The following HPS1 variants were observed in gnomAD, a reference collection of about 807,000 sequenced individuals.
The protein encoded by HPS1 is BLOC-3 complex member HPS1.
HPS1 carries 59 observed loss-of-function variants against 90.6 expected under a neutral mutation model. The ratio of observed to expected loss-of-function variants is 0.65; its 90% confidence interval spans 0.53 to 0.81. The LOEUF is 0.81. HPS1 is among the 30% of genes least tolerant of loss of function. The pLI is 0.00. For missense variants in HPS1, 849 were observed against 896.7 expected (o/e 0.95, Z 0.68); for synonymous variants, 388 against 384.4 (o/e 1.01, Z -0.11).
Position 98,446,933 on chromosome 10 carries a change from C to T in HPS1, c.-232G>A, listed in dbSNP as rs1334529225. The T allele has an allele frequency of 6.6e-6, 1 of 152,196 alleles. No homozygotes were observed. Among genetic ancestry groups the T allele is most frequent in the African/African-American group, 2.4e-5 (1 of 41,466 alleles). 9.4% of individuals were successfully genotyped at this position (152,196 alleles called of 1,614,324 possible). ...CCCCGCCTGCAGGAGCCCGGGCGCGCTTCCGGGTAGGACCGCGTGATCGCG... is the reference window on the plus strand; with the variant it reads ...CCCCGCCTGCAGGAGCCCGGGCGCGTTTCCGGGTAGGACCGCGTGATCGCG... On this transcript the variant is annotated 5_prime_UTR_variant, in exon 1 of 20. Transcript: ENST00000361490.
intron 10 of HPS1, among the ~76,000 whole-genome samples, chr10:98,427,976 A>AT (rs1292829488): frequency 6.6e-6 from 1 of 152,132 alleles, no homozygotes; most frequent in Non-Finnish European, 1.5e-5. Flanking sequence ...GAACAGCATT[A>AT]TTTTTTACAG....
rs371181203 is a variant in HPS1, at chr10:98,430,667, G to C, written c.672C>G (p.His224Gln). The C allele has an allele frequency of 1.1e-4, 174 of 1,551,910 alleles. 1 individual carries two copies. The highest frequency in any genetic ancestry group is 9.0e-5 in the Non-Finnish European group (103 of 1,147,500). The change falls in exon 8 of 20, where the codon CAC (histidine) becomes CAG (glutamine). Residue 224 changes from histidine to glutamine, a missense_variant. His to Gln is a conservative substitution (Grantham distance 24). Transcript: ENST00000361490. ...HSKLLAFYSS[H>Q]SASSLRPADL... ...CGGCCGGGCGCAGGGAGCTGGCACT[G>C]TGGCTGCAGACACAGGAGCATGGCC...
At position 98,429,881 on chromosome 10, in the gene HPS1, C is replaced by G; in HGVS notation, c.777G>C (p.Pro259=). The change falls in exon 9 of 20, where the codon CCG becomes CCC. Residue 259 remains proline (P), a synonymous_variant. Transcript: ENST00000361490. Reference sequence around the variant, plus strand: ...TGTTCTGGCTGCTCCGGGCCCTCCGCGGGGAAGGCTGTGCAGGGCAGGGGA... The same window carrying G: ...TGTTCTGGCTGCTCCGGGCCCTCCGGGGGGAAGGCTGTGCAGGGCAGGGGA... The part of the protein sequence containing the change: ...STAEDDIQPS[P]RRARSSQNIP... 6.2e-7 allele frequency: 1 copy of G among 1,611,278 alleles called. No homozygotes were observed. The highest frequency in any genetic ancestry group is 2.2e-5 in the East Asian group (1 of 44,876).
intron 1 of HPS1, among the ~76,000 whole-genome samples, chr10:98,446,385 GGA>G (rs1939555238): frequency 6.6e-6 from 1 of 152,200 alleles, no homozygotes; most frequent in African/African-American, 2.4e-5. Context: ...ACTGACGAAA[GGA>G]GCTCCAGATG....
At position 98,425,637 on chromosome 10, in the gene HPS1, C is replaced by T. The variant is rs777125097; in HGVS notation, c.1239G>A (p.Pro413=). 23 of 1,613,624 alleles carry T rather than the reference C, an allele frequency of 1.4e-5. No individual in the cohort carries two copies. The highest frequency in any genetic ancestry group is 5.0e-5 in the Admixed American group (3 of 59,988). ...GGGAGCGCAGGGAGGCCCCGGGCTC[C>T]GGCCCTTCCTTCAGCTTCTTCTCCA... ...SMLEKKLKEG[P]EPGASLRSQP... Residue 413 remains proline, a synonymous_variant, in exon 13 of 20, where the codon CCG becomes CCA. Coordinates refer to ENST00000361490, the MANE Select transcript of HPS1 (RefSeq NM_000195.5).
In HPS1 at chr10:98,423,800, G is replaced by A; in HGVS notation, c.1485C>T (p.Gly495=). 6.2e-7 allele frequency: 1 copy of A among 1,613,988 alleles called. No individual in the cohort carries two copies. The highest frequency in any genetic ancestry group is 8.5e-7 in the Non-Finnish European group (1 of 1,180,006). Residue 495 remains glycine (G), a synonymous_variant, in exon 15 of 20, where the codon GGC becomes GGT. Coordinates refer to ENST00000361490, the MANE Select transcript of HPS1 (RefSeq NM_000195.5). ...CCTGCAGGTGCTGGGGCAGGTGTGG[G>A]CCTCCCCTGCTGGGGGCTGTGGTCA... ...NFLTTAPSRG[G]PHLPQHLQDQ...
chr10:98,422,361 A>G lies in HPS1; in HGVS notation c.1743+8T>C. ...CCACCCATCCCCGCCCTGGGTCCAA[A>G]TGGTTACCTTAGTTTTGACAAAGGC... On this transcript the variant is annotated splice_region_variant and intron_variant, in intron 17 of 19. Transcript: ENST00000361490. 6.2e-7 allele frequency: 1 copy of G among 1,612,894 alleles called. No individual in the cohort carries two copies. The highest frequency in any genetic ancestry group is 8.5e-7 in the Non-Finnish European group (1 of 1,179,552).
In HPS1 at chr10:98,430,553, A is replaced by G; in HGVS notation, c.768+18T>C. 2.6e-6 allele frequency: 4 copies of G among 1,548,484 alleles called. No individual in the cohort carries two copies. The highest frequency in any genetic ancestry group is 2.6e-6 in the Non-Finnish European group (3 of 1,143,912). On this transcript the variant is annotated intron_variant, in intron 8 of 19. Coordinates refer to ENST00000361490, the MANE Select transcript of HPS1 (RefSeq NM_000195.5). Reference sequence around the variant, plus strand: ...CCTCCCTAATGGCCTCCCTCTGCCCAGAAAGCTGCCCTGAGACCTGAATGT... The same window carrying G: ...CCTCCCTAATGGCCTCCCTCTGCCCGGAAAGCTGCCCTGAGACCTGAATGT...
At chr10:98,421,965 A>AACAC (rs1270311453) in intron 17 of HPS1, among the ~76,000 whole-genome samples, 118 of 118,774 alleles carry the variant, frequency 9.9e-4, no homozygotes, top group Middle Eastern at 4.2e-3. Flanking sequence ...GAAAGAAAAG[A>AACAC]ACACACACAC....
chr10:98,440,621 G>A (rs1938253353), intron 3 of HPS1, among the ~76,000 whole-genome samples: 1 of 151,928 alleles, frequency 6.6e-6, no homozygotes, highest in Admixed American at 6.6e-5. Context: ...TAATAGCTCT[G>A]GGTCATGGAA....
chr10:98,443,075 A>G, intron 3 of HPS1, 49 bp downstream of exon 3: 2 of 1,301,450 alleles, frequency 1.5e-6, no homozygotes, highest in Non-Finnish European at 2.2e-6. Context: ...GGAGTTTTGT[A>G]TGGTTCCTTC....
intron 1 of HPS1, among the ~76,000 whole-genome samples, chr10:98,446,453 G>C (rs1270027950): frequency 6.6e-6 from 1 of 152,252 alleles, no homozygotes; most frequent in Admixed American, 6.5e-5. Context: ...CTGGACCCCA[G>C]CAAACCTCCC....
chr10:98,445,908 A>G lies in HPS1; in HGVS notation c.-105-504T>C, dbSNP rs1004070914. Among the ~76,000 whole-genome samples the G allele has an allele frequency of 6.6e-5, 10 of 152,212 alleles. No individual in the cohort carries two copies. Among genetic ancestry groups the G allele is most frequent in the Non-Finnish European group, 1.2e-4 (8 of 68,040 alleles). On this transcript the variant is annotated intron_variant, in intron 1 of 19. Transcript: ENST00000361490. This position sits in a 1 kb window ranked among gnomAD's most constrained non-coding sequence, Gnocchi z 4.5. ...GAGCCTCAAACTCCTGCGGAGAAACAGAGCAACATCCCCTACTCTACCTCC... is the reference window on the plus strand; with the variant it reads ...GAGCCTCAAACTCCTGCGGAGAAACGGAGCAACATCCCCTACTCTACCTCC...
At position 98,442,336 on chromosome 10, in the gene HPS1, G is replaced by A. The variant is rs544109914; in HGVS notation, c.117+788C>T. The A allele has an allele frequency of 5.9e-5, 9 of 152,470 alleles. No individual in the cohort carries two copies. In the South Asian group the frequency reaches 1.9e-3, roughly 32 times the overall value. The allele number at this position is 152,470 out of a possible 1,614,324, so 9.4% of individuals were successfully genotyped here. A position where few individuals can be genotyped will look rare whatever the true frequency, so the allele number is the denominator to read the frequency against. On this transcript the variant is annotated intron_variant, in intron 3 of 19. Coordinates refer to ENST00000361490, the MANE Select transcript of HPS1 (RefSeq NM_000195.5). ...AGCAGTTCCTATGCGATGGGGATGG[G>A]AAAGAAGGGATTACAAATGTTTGAG...
intron 17 of HPS1, among the ~76,000 whole-genome samples, chr10:98,421,841 C>T (rs972573452): frequency 6.6e-6 from 1 of 152,170 alleles, no homozygotes; most frequent in African/African-American, 2.4e-5. Flanking sequence ...TGCCCAAAGC[C>T]ACATAACTGG....
chr10:98,431,738 C>G (rs11189602), intron 6 of HPS1, among the ~76,000 whole-genome samples: 37,824 of 151,978 alleles, frequency 0.25, 5,082 homozygotes, highest in South Asian at 0.33. Context: ...GAGATGGGGA[C>G]AGAGTTTGCA....
intron 10 of HPS1, 161 bp downstream of exon 10, chr10:98,429,412 A>C: frequency 6.5e-7 from 1 of 1,538,652 alleles, no homozygotes. Context: ...CTGGCAGGGA[A>C]GATGGGGAGC....
chr10:98,425,922 T>A lies in HPS1; in HGVS notation c.1051A>T (p.Ile351Phe). The change falls in exon 12 of 20, where the codon ATC becomes TTC. Residue 351 changes from isoleucine to phenylalanine, a missense_variant. Physicochemically the swap from Ile to Phe is conservative, Grantham distance 21. Coordinates refer to ENST00000361490, the MANE Select transcript of HPS1 (RefSeq NM_000195.5). Reference sequence around the variant, plus strand: ...TCCTTCACGTTGGCATCCAGGAAGATCCTTCTGGGGCCGGAAGGCACAGGG... The same window carrying A: ...TCCTTCACGTTGGCATCCAGGAAGAACCTTCTGGGGCCGGAAGGCACAGGG... ...HCPVPSGPRR[I>F]FLDANVKESY... 1.2e-6 allele frequency: 2 copies of A among 1,614,078 alleles called. No homozygotes were observed. Among genetic ancestry groups the A allele is most frequent in the South Asian group, 2.2e-5 (2 of 91,080 alleles).
At chr10:98,422,268 C>T (rs1296848855) in intron 17 of HPS1, 101 bp downstream of exon 17, 1 of 1,333,342 alleles carries the variant, frequency 7.5e-7, no homozygotes, top group Non-Finnish European at 1.1e-6. Flanking sequence ...GGCCTGCTGC[C>T]CAGCGCACTC....
Sources: allele counts gnomAD v4.1 joint callset (sites outside exome capture counted in the v4.1 genomes callset), GRCh38; gene constraint gnomAD v4.1.1; non-coding constraint Gnocchi (gnomAD v3.1); transcripts MANE v1.5; gene names NCBI Gene and HGNC (gene_info 2026-07-23, HGNC 2026-07-21).